The following ABCC1 variants were observed in gnomAD, a reference collection of about 807,000 sequenced individuals.
ABCC1 encodes ATP binding cassette subfamily C member 1 (ABCC1 blood group), also known as multidrug resistance-associated protein 1.
A neutral mutation model predicts 172.9 loss-of-function variants in ABCC1; 83 were observed. The ratio of observed to expected loss-of-function variants is 0.48; its 90% confidence interval spans 0.40 to 0.58. The LOEUF is 0.58. Among genes scored for constraint, ABCC1 ranks in the 20% least tolerant of loss-of-function variants. The pLI is 0.00. For missense variants in ABCC1, 1,817 were observed against 2,002.7 expected (o/e 0.91, Z 1.77); for synonymous variants, 937 against 825.2 (o/e 1.14, Z -2.32).
chr16:16,043,473 T>C (rs532255002), intron 7 of ABCC1, among the ~76,000 whole-genome samples: 1 of 151,262 alleles, frequency 6.6e-6, no homozygotes, highest in African/African-American at 2.4e-5. Flanking sequence ...TGATTTTGTA[T>C]TTTTAGTAGA....
chr16:16,116,885 A>C (rs946706825), intron 23 of ABCC1, among the ~76,000 whole-genome samples: 1 of 152,100 alleles, frequency 6.6e-6, no homozygotes, highest in Non-Finnish European at 1.5e-5. Context: ...GTAAATTCGG[A>C]TTACTTACCC....
chr16:15,995,285 A>C (rs959201949), intron 1 of ABCC1, among the ~76,000 whole-genome samples: 1 of 152,140 alleles, frequency 6.6e-6, no homozygotes, highest in Admixed American at 6.5e-5. Context: ...AAACACTTAG[A>C]GTGGTGCTTG....
chr16:16,004,471 A>G (rs2047443495), intron 1 of ABCC1, among the ~76,000 whole-genome samples: 1 of 152,134 alleles, frequency 6.6e-6, no homozygotes, highest in South Asian at 2.1e-4. Flanking sequence ...AATTAACAGT[A>G]GTATGAAATC....
intron 5 of ABCC1, among the ~76,000 whole-genome samples, chr16:16,026,523 A>G (rs766297858): frequency 1.0e-4 from 12 of 115,782 alleles, no homozygotes; most frequent in South Asian, 2.8e-4. Context: ...TGGCCTCCCT[A>G]TCGGTCACTT....
chr16:16,079,968 G>A (rs1175636986), intron 16 of ABCC1, among the ~76,000 whole-genome samples: 3 of 151,800 alleles, frequency 2.0e-5, no homozygotes, highest in Non-Finnish European at 2.9e-5. Flanking sequence ...GCGCCACCAT[G>A]TCCAGCTAAT....
At position 16,103,669 on chromosome 16, in the gene ABCC1, G is replaced by C. The variant is rs78984144; in HGVS notation, c.2735+952G>C. Among the ~76,000 whole-genome samples the C allele has an allele frequency of 1.8e-4, 27 of 152,318 alleles. No individual in the cohort carries two copies. The East Asian group carries it at 5.2e-3, about 29-fold the overall frequency. ...ACAAAGTCGGAGCCTAAACGTATCA[G>C]ACCGCGGAGATCTGAGAAAGGATCC... is the stretch of plus-strand genomic sequence containing the variant. On this transcript the variant is annotated intron_variant, in intron 20 of 30. Coordinates refer to ENST00000399410, the MANE Select transcript of ABCC1 (RefSeq NM_004996.4).
intron 14 of ABCC1, chr16:16,076,121 T>G (rs2050554443): frequency 3.6e-6 from 2 of 561,916 alleles, no homozygotes; most frequent in Non-Finnish European, 6.2e-6. Flanking sequence ...AGTTTCCTTC[T>G]GCTTTCTGGG....
At chr16:16,097,566 C>T (rs1312743855) in intron 19 of ABCC1, among the ~76,000 whole-genome samples, 2 of 152,176 alleles carry the variant, frequency 1.3e-5, no homozygotes, top group Non-Finnish European at 2.9e-5. Flanking sequence ...GGCCGGAGGG[C>T]TTTGGATGTT....
At chr16:16,026,907 A>C (rs2048395018) in intron 5 of ABCC1, among the ~76,000 whole-genome samples, 1 of 152,064 alleles carries the variant, frequency 6.6e-6, no homozygotes, top group Non-Finnish European at 1.5e-5. Flanking sequence ...ACAGAGTGAG[A>C]CTCAGTCTCA....
intron 5 of ABCC1, among the ~76,000 whole-genome samples, chr16:16,024,392 C>T (rs1427578761): frequency 6.6e-6 from 1 of 152,076 alleles, no homozygotes; most frequent in Non-Finnish European, 1.5e-5. Flanking sequence ...CACTCTGTCA[C>T]CAAGGTTGGA....
At chr16:16,039,457 C>T (rs2048892258) in intron 7 of ABCC1, among the ~76,000 whole-genome samples, 2 of 151,354 alleles carry the variant, frequency 1.3e-5, no homozygotes, top group East Asian at 1.9e-4. Context: ...TTAGTAGAGA[C>T]GGGGTTTCAC....
At chr16:16,046,214 GTAGATGTCTTTGTGTATC>G (rs1053302059) in intron 9 of ABCC1, among the ~76,000 whole-genome samples, 48 of 152,288 alleles carry the variant, frequency 3.2e-4, no homozygotes, top group African/African-American at 1.1e-3. Context: ...GGGTGGGCGT[GTAGATGTCTTTGTGTATC>G]AGCTGTGAGT....
chr16:16,111,021 C>T (rs561149478), intron 21 of ABCC1, among the ~76,000 whole-genome samples: 2 of 152,262 alleles, frequency 1.3e-5, no homozygotes, highest in East Asian at 3.9e-4. Context: ...CTGCCTCGGC[C>T]TTCCAATTAG....
intron 14 of ABCC1, among the ~76,000 whole-genome samples, chr16:16,074,953 T>C (rs1431576360): frequency 2.7e-5 from 4 of 150,052 alleles, no homozygotes; most frequent in Non-Finnish European, 4.5e-5. Flanking sequence ...TTTTCTTTTT[T>C]TTTTTTTTTT....
chr16:16,073,640 C>G (rs2050440060), intron 14 of ABCC1, among the ~76,000 whole-genome samples: 1 of 152,148 alleles, frequency 6.6e-6, no homozygotes, highest in Non-Finnish European at 1.5e-5. Flanking sequence ...ACCTGTAGTC[C>G]TAGTTACTTG....
chr16:16,042,479 G>C (rs992443085), intron 7 of ABCC1, among the ~76,000 whole-genome samples: 1 of 152,110 alleles, frequency 6.6e-6, no homozygotes, highest in Non-Finnish European at 1.5e-5. Context: ...AAGGCAGGCA[G>C]ATCACTTGAG....
intron 19 of ABCC1, 83 bp from the exon 20 acceptor site, chr16:16,102,544 T>C (rs960072610): frequency 1.5e-6 from 2 of 1,315,966 alleles, no homozygotes; most frequent in East Asian, 2.5e-5. Context: ...GTCTCCTCAC[T>C]GAAGTGGCCG....
chr16:16,002,753 C>T (rs1020786412), intron 1 of ABCC1, among the ~76,000 whole-genome samples: 28 of 130,458 alleles, frequency 2.1e-4, no homozygotes, highest in Non-Finnish European at 3.8e-4. Flanking sequence ...GCCTGGGCAA[C>T]AGAGTGAGAC....
At chr16:16,057,224 T>C (rs968111689) in intron 12 of ABCC1, among the ~76,000 whole-genome samples, 1 of 148,374 alleles carries the variant, frequency 6.7e-6, no homozygotes, top group Admixed American at 6.8e-5. Flanking sequence ...CTGGGCATGG[T>C]GGTGCATGCC....
Sources: allele counts gnomAD v4.1 joint callset (sites outside exome capture counted in the v4.1 genomes callset), GRCh38; gene constraint gnomAD v4.1.1; transcripts MANE v1.5; gene names NCBI Gene and HGNC (gene_info 2026-07-23, HGNC 2026-07-21).